Variants in UHRF2 observed in about 807,000 individuals in gnomAD.
The protein encoded by UHRF2 is ubiquitin like with PHD and ring finger domains 2.
In UHRF2, 23 loss-of-function variants were observed where a neutral mutation model predicts 96.8. That is an observed-to-expected ratio of 0.24 (90% CI 0.17 to 0.34). UHRF2 has a LOEUF of 0.34. Ranked by LOEUF, UHRF2 falls within the 10% of genes least tolerant of loss-of-function variation. UHRF2 has a pLI of 1.00. For synonymous variants in UHRF2, 385 were observed against 332.6 expected, an observed-to-expected ratio of 1.16 and a Z score of -1.72; for missense variants, 685 against 981.5, an observed-to-expected ratio of 0.70 and a Z score of 4.04.
chr9:6,506,230 A>T lies in UHRF2; in HGVS notation c.*51A>T. 6.2e-7 allele frequency: 1 copy of T among 1,601,310 alleles called. No individual in the cohort carries two copies. Among genetic ancestry groups the T allele is most frequent in the South Asian group, 1.1e-5 (1 of 89,324 alleles). On this transcript the variant is annotated 3_prime_UTR_variant, in exon 16 of 16. Coordinates refer to ENST00000276893, the MANE Select transcript of UHRF2 (RefSeq NM_152896.3). The stretch of plus-strand genomic sequence containing the variant: ...ATGGTGGCTTTTTGGACAATAAAGA[A>T]TCTAAAATGGGTGGGGAGGGTGGAA...
Position 6,506,270 on chromosome 9 carries a change from T to C in UHRF2, c.*91T>C. The C allele has an allele frequency of 2.0e-6, 3 of 1,515,758 alleles. No individual in the cohort carries two copies. The highest frequency in any genetic ancestry group is 2.7e-6 in the Non-Finnish European group (3 of 1,115,800). The allele number at this position is 1,515,758 out of a possible 1,614,324, so 93.9% of individuals were successfully genotyped here. ...GGAGGGTGGAAGAAATGGTGGACTG[T>C]ATCTCTCACGTTCTGAAGCAGCTAA... On this transcript the variant is annotated 3_prime_UTR_variant, in exon 16 of 16. Coordinates refer to ENST00000276893, the MANE Select transcript of UHRF2 (RefSeq NM_152896.3).
chr9:6,422,690 G>A, intron 2 of UHRF2: 4 of 597,268 alleles, frequency 6.7e-6, no homozygotes, highest in South Asian at 2.1e-5. Flanking sequence ...GCTCGCTGTA[G>A]CCTTGACCTG....
intron 3 of UHRF2, among the ~76,000 whole-genome samples, chr9:6,443,527 A>G (rs1196774542): frequency 2.6e-5 from 4 of 152,216 alleles, no homozygotes; most frequent in East Asian, 1.9e-4. Context: ...AACACCATCT[A>G]TCTATAGCAT....
At chr9:6,422,726 G>A (rs1820006487) in intron 2 of UHRF2, 3 of 517,032 alleles carry the variant, frequency 5.8e-6, no homozygotes, top group South Asian at 3.0e-5. Flanking sequence ...CTTCCTGCTC[G>A]GCCTCCCAAA....
At chr9:6,444,823 G>A (rs1222227820) in intron 3 of UHRF2, among the ~76,000 whole-genome samples, 1 of 152,080 alleles carries the variant, frequency 6.6e-6, no homozygotes, top group Non-Finnish European at 1.5e-5. Flanking sequence ...GGCTGGTCTT[G>A]AACCCTGACC....
At chr9:6,459,045 C>T (rs1416177534) in intron 3 of UHRF2, among the ~76,000 whole-genome samples, 1 of 151,888 alleles carries the variant, frequency 6.6e-6, no homozygotes, top group East Asian at 1.9e-4. Flanking sequence ...GGGAGGGGAA[C>T]ATAACACAGA....
intron 2 of UHRF2, among the ~76,000 whole-genome samples, chr9:6,433,076 G>C (rs1476793580): frequency 6.6e-6 from 1 of 152,150 alleles, no homozygotes; most frequent in Non-Finnish European, 1.5e-5. Flanking sequence ...CAAGTGATCT[G>C]CCCCTGCCTT....
chr9:6,497,899 G>A (rs1393592851), intron 11 of UHRF2, 119 bp from the exon 12 acceptor site: 4 of 1,304,990 alleles, frequency 3.1e-6, no homozygotes, highest in African/African-American at 1.5e-5. Context: ...TGTCCTTACA[G>A]CAAAGCAGAA....
chr9:6,434,854 C>T (rs1371573519), intron 3 of UHRF2, among the ~76,000 whole-genome samples: 3 of 151,922 alleles, frequency 2.0e-5, no homozygotes, highest in East Asian at 1.9e-4. Context: ...GGGTGGGGAC[C>T]GGGTCCCACT....
At chr9:6,485,038 C>A (rs1824183466) in intron 8 of UHRF2, among the ~76,000 whole-genome samples, 1 of 152,028 alleles carries the variant, frequency 6.6e-6, no homozygotes, top group Non-Finnish European at 1.5e-5. Flanking sequence ...GGTGATCCAC[C>A]CGCCTTGGCC....
At chr9:6,451,467 T>TTTTTTTTTG (rs1491334560) in intron 3 of UHRF2, among the ~76,000 whole-genome samples, 1 of 2,346 alleles carries the variant, frequency 4.3e-4, no homozygotes, top group Non-Finnish European at 2.9e-3. Context: ...TTTTTTTTTG[T>TTTTTTTTTG]TTTTTTTTTT....
chr9:6,480,767 T>C (rs1168896199), intron 6 of UHRF2, among the ~76,000 whole-genome samples: 1 of 152,212 alleles, frequency 6.6e-6, no homozygotes, highest in East Asian at 1.9e-4. Context: ...TACTTCATAG[T>C]ATTTAGTGCC....
chr9:6,458,706 A>G (rs913394631), intron 3 of UHRF2, among the ~76,000 whole-genome samples: 20 of 152,168 alleles, frequency 1.3e-4, no homozygotes, highest in African/African-American at 4.8e-4. Flanking sequence ...CAGCAGTCCC[A>G]TTACTGGGTG....
At chr9:6,459,180 A>T (rs1316559317) in intron 3 of UHRF2, among the ~76,000 whole-genome samples, 1 of 152,190 alleles carries the variant, frequency 6.6e-6, no homozygotes, top group Non-Finnish European at 1.5e-5. Flanking sequence ...ACAAACCTGC[A>T]CTTTCTGCAC....
intron 3 of UHRF2, among the ~76,000 whole-genome samples, chr9:6,443,166 A>G (rs563792180): frequency 1.3e-5 from 2 of 152,360 alleles, no homozygotes; most frequent in South Asian, 4.1e-4. Context: ...ACCTTTGGCT[A>G]GGCAAGTTGC....
intron 4 of UHRF2, 31 bp from the exon 5 acceptor site, chr9:6,475,360 A>G (rs1409309148): frequency 2.1e-6 from 3 of 1,407,720 alleles, no homozygotes. Flanking sequence ...TTTTGCTGGC[A>G]GAAGTTAACC....
chr9:6,414,674 C>T (rs1481558278), intron 1 of UHRF2, among the ~76,000 whole-genome samples: 3 of 152,246 alleles, frequency 2.0e-5, no homozygotes, highest in South Asian at 2.1e-4. Flanking sequence ...ATAAGTGTAG[C>T]TCTTTGATTT....
At chr9:6,482,173 T>C in intron 8 of UHRF2, 74 bp downstream of exon 8, 1 of 1,222,368 alleles carries the variant, frequency 8.2e-7, no homozygotes, top group East Asian at 2.3e-5. Flanking sequence ...TGTCTGTTGA[T>C]TGTAAGTGAA....
At chr9:6,439,636 C>A (rs1032898907) in intron 3 of UHRF2, among the ~76,000 whole-genome samples, 1 of 152,156 alleles carries the variant, frequency 6.6e-6, no homozygotes, top group African/African-American at 2.4e-5. Context: ...CTGTCCTTAA[C>A]CTTGTTTTAG....
Sources: allele counts gnomAD v4.1 joint callset (sites outside exome capture counted in the v4.1 genomes callset), GRCh38; gene constraint gnomAD v4.1.1; transcripts MANE v1.5; gene names NCBI Gene and HGNC (gene_info 2026-07-23, HGNC 2026-07-21).